Variants in SEPTIN10 observed in about 807,000 individuals in gnomAD.
SEPTIN10 encodes septin-10.
In SEPTIN10, 66 loss-of-function variants were observed where a neutral mutation model predicts 54.8. The ratio of observed to expected loss-of-function variants is 1.21; its 90% CI spans 0.99 to 1.48. The LOEUF (loss-of-function observed/expected upper bound fraction) is 1.48, where lower values mean the gene tolerates loss of function less well. Among genes scored for constraint, SEPTIN10 ranks in the 40% most tolerant of loss-of-function variants. SEPTIN10 has a pLI of 0.00. For missense variants in SEPTIN10, 620 were observed against 545.6 expected, an observed-to-expected ratio of 1.14 and a Z score of -1.36; for synonymous variants, 161 against 181.0, an observed-to-expected ratio of 0.89 and a Z score of 0.89.
At chr2:109,586,688 C>T (rs1338797426) in intron 2 of SEPTIN10, among the ~76,000 whole-genome samples, 1 of 152,138 alleles carries the variant, frequency 6.6e-6, no homozygotes, top group Non-Finnish European at 1.5e-5. Context: ...TTTTCAAGTG[C>T]CATCTTGGAG....
At chr2:109,559,389 C>T (rs1685104606) in intron 8 of SEPTIN10, among the ~76,000 whole-genome samples, 1 of 152,206 alleles carries the variant, frequency 6.6e-6, no homozygotes, top group Non-Finnish European at 1.5e-5. Flanking sequence ...ACTGCTCCCA[C>T]TCACTCTGTA....
At chr2:109,548,335 T>G (rs908433410) in intron 9 of SEPTIN10, among the ~76,000 whole-genome samples, 7 of 152,194 alleles carry the variant, frequency 4.6e-5, no homozygotes, top group African/African-American at 1.7e-4. Flanking sequence ...CATTAACATT[T>G]TAGTTCTGGG....
At chr2:109,552,928 G>A (rs915489004) in intron 9 of SEPTIN10, 159 bp downstream of exon 9, 2 of 785,436 alleles carry the variant, frequency 2.5e-6, no homozygotes, top group East Asian at 5.5e-5. Flanking sequence ...TTCAGGCTAT[G>A]ATTCTAAGTC....
chr2:109,606,320 C>CAGAAGA (rs1553450597), intron 1 of SEPTIN10, among the ~76,000 whole-genome samples: 1 of 151,962 alleles, frequency 6.6e-6, no homozygotes, highest in African/African-American at 2.4e-5. Context: ...GAGGCTGAGG[C>CAGAAGA]AGGAGAATCG....
Position 109,544,271 on chromosome 2 carries a change from C to T in SEPTIN10, c.*38G>A. Reference sequence around the variant, plus strand: ...TCTAGTTTTTTTTTAATAAAGTTTGCTTGTGATGATGACCTTCTGTGCTCT... The same window carrying T: ...TCTAGTTTTTTTTTAATAAAGTTTGTTTGTGATGATGACCTTCTGTGCTCT... On this transcript the variant is annotated 3_prime_UTR_variant, in exon 11 of 11. Transcript: ENST00000397712. 2 of 1,612,414 alleles carry T rather than the reference C, an allele frequency of 1.2e-6. No individual in the cohort carries two copies. The highest frequency in any genetic ancestry group is 2.2e-5 in the East Asian group (1 of 44,822).
At chr2:109,597,319 GCT>G (rs1048363248) in intron 1 of SEPTIN10, among the ~76,000 whole-genome samples, 15 of 152,194 alleles carry the variant, frequency 9.9e-5, no homozygotes, top group Non-Finnish European at 1.5e-5. Context: ...GGCAAACAGA[GCT>G]CTGTGTAGGG....
chr2:109,581,528 G>GAA (rs60924044), intron 4 of SEPTIN10, among the ~76,000 whole-genome samples: 69 of 145,692 alleles, frequency 4.7e-4, no homozygotes, highest in East Asian at 2.8e-3. Context: ...AAAGGTCTGG[G>GAA]AAAAAAAAAA....
chr2:109,564,229 T>C, intron 8 of SEPTIN10, 137 bp downstream of exon 8: 1 of 732,866 alleles, frequency 1.4e-6, no homozygotes, highest in Non-Finnish European at 2.0e-6. Context: ...AGCACAATAA[T>C]TAGTCATTAC....
At chr2:109,585,957 T>C in intron 2 of SEPTIN10, 119 bp from the exon 3 acceptor site, 1 of 672,308 alleles carries the variant, frequency 1.5e-6, no homozygotes, top group East Asian at 2.8e-5. Context: ...ATAATCATTA[T>C]ACCTCACCTA....
At chr2:109,606,516 T>C (rs1284005407) in intron 1 of SEPTIN10, among the ~76,000 whole-genome samples, 2 of 152,158 alleles carry the variant, frequency 1.3e-5, no homozygotes, top group Non-Finnish European at 2.9e-5. Flanking sequence ...ATAGTGGACA[T>C]AGTTATAGCC....
Position 109,571,530 on chromosome 2 carries a change from A to G in SEPTIN10, c.600+3051T>C, listed in dbSNP as rs902849207. Among the ~76,000 whole-genome samples the G allele has an allele frequency of 2.6e-5, 4 of 152,366 alleles. No individual in the cohort carries two copies. The South Asian group carries it at 8.3e-4, about 32-fold the overall frequency. ...TGTAGGCAACTATAATACAATGCTA[A>G]GTATGTGTATATCTAAACATATCTA... On this transcript the variant is annotated intron_variant, in intron 5 of 10. Transcript: ENST00000397712.
chr2:109,607,512 T>C (rs2106304269), intron 1 of SEPTIN10, among the ~76,000 whole-genome samples: 1 of 152,308 alleles, frequency 6.6e-6, no homozygotes, highest in Non-Finnish European at 1.5e-5. Flanking sequence ...AAATGGTCTG[T>C]GGCCCTCACC....
At chr2:109,592,928 C>T (rs1483470849) in intron 2 of SEPTIN10, 123 bp downstream of exon 2, 5 of 501,246 alleles carry the variant, frequency 1.0e-5, no homozygotes, top group South Asian at 8.1e-5. Context: ...AATTAATTCA[C>T]GTTGGAGGTA....
intron 1 of SEPTIN10, among the ~76,000 whole-genome samples, chr2:109,607,646 ATG>A (rs1698302937): frequency 6.6e-6 from 1 of 152,174 alleles, no homozygotes; most frequent in Non-Finnish European, 1.5e-5. Context: ...TTTTATTTAA[ATG>A]TAATTTTTCT....
chr2:109,585,883 CTT>C (rs750937102), intron 2 of SEPTIN10, 45 bp from the exon 3 acceptor site: 19 of 1,491,968 alleles, frequency 1.3e-5, no homozygotes, highest in Non-Finnish European at 1.5e-5. Flanking sequence ...AAAAAAACAA[CTT>C]TGACTTAAAT....
chr2:109,569,684 T>C (rs1243683440), intron 5 of SEPTIN10, among the ~76,000 whole-genome samples: 1 of 152,296 alleles, frequency 6.6e-6, no homozygotes, highest in East Asian at 1.9e-4. Context: ...AGTTTCAATA[T>C]TATATACTTA....
chr2:109,569,975 T>C (rs899472072), intron 5 of SEPTIN10, among the ~76,000 whole-genome samples: 2 of 152,026 alleles, frequency 1.3e-5, no homozygotes, highest in African/African-American at 2.4e-5. Flanking sequence ...CTCATCTTTA[T>C]GTAGTGCCCT....
chr2:109,610,558 T>C (rs1699039038), intron 1 of SEPTIN10, among the ~76,000 whole-genome samples: 1 of 151,866 alleles, frequency 6.6e-6, no homozygotes, highest in Non-Finnish European at 1.5e-5. Flanking sequence ...CTACTAAAAA[T>C]ACAAAAAATT....
At chr2:109,559,184 C>T (rs1359104519) in intron 8 of SEPTIN10, among the ~76,000 whole-genome samples, 1 of 152,166 alleles carries the variant, frequency 6.6e-6, no homozygotes, top group African/African-American at 2.4e-5. Flanking sequence ...CCACGCCTGG[C>T]CAGATATAAC....
Sources: allele counts gnomAD v4.1 joint callset (sites outside exome capture counted in the v4.1 genomes callset), GRCh38; gene constraint gnomAD v4.1.1; transcripts MANE v1.5; gene names NCBI Gene and HGNC (gene_info 2026-07-23, HGNC 2026-07-21).